ARSB: variants seen among roughly 807,000 people sequenced by gnomAD.
The protein encoded by ARSB is N-acetylgalactosamine-4-sulfatase.
A neutral mutation model predicts 50.9 loss-of-function variants in ARSB; 41 were observed. That is an observed-to-expected ratio of 0.81 (90% confidence interval 0.63 to 1.04). The LOEUF (loss-of-function observed/expected upper bound fraction) is 1.04, where lower values mean the gene tolerates loss of function less well. Ranked by LOEUF, ARSB falls within the 50% of genes least tolerant of loss-of-function variation. ARSB has a pLI of 0.00. For missense variants in ARSB, 672 were observed against 693.3 expected, an observed-to-expected ratio of 0.97 and a Z score of 0.35; for synonymous variants, 269 against 284.8, an observed-to-expected ratio of 0.94 and a Z score of 0.56.
chr5:78,965,675 T>C (rs112422793), intron 2 of ARSB, among the ~76,000 whole-genome samples: 81 of 152,354 alleles, frequency 5.3e-4, no homozygotes, highest in African/African-American at 1.9e-3. Context: ...GCTAGACTCT[T>C]AGCTATCTCC....
chr5:78,855,543 C>T (rs553923970), intron 5 of ARSB, among the ~76,000 whole-genome samples: 2 of 152,288 alleles, frequency 1.3e-5, no homozygotes, highest in Admixed American at 6.5e-5. Flanking sequence ...TAAAAGAGAG[C>T]CATGCATACT....
rs182704958 is a variant in ARSB at position 78,948,408 on chromosome 5, A to C, written c.898+6887T>G. Among the ~76,000 whole-genome samples the C allele has an allele frequency of 3.1e-3, 477 of 152,336 alleles. 1 individual carries two copies. The highest frequency in any genetic ancestry group is 5.1e-3 in the Non-Finnish European group (349 of 68,018). On this transcript the variant is annotated intron_variant, in intron 4 of 7. Transcript: ENST00000264914. Reference sequence around the variant, plus strand: ...TGTATCAAAATATCTCATGTACTCCATAAATATATATTTATACCTACTATA... The same window carrying C: ...TGTATCAAAATATCTCATGTACTCCCTAAATATATATTTATACCTACTATA...
At chr5:78,852,066 A>G (rs1257076727) in intron 5 of ARSB, among the ~76,000 whole-genome samples, 18 of 152,280 alleles carry the variant, frequency 1.2e-4, no homozygotes, top group African/African-American at 4.3e-4. Flanking sequence ...TTACATTTAA[A>G]GTTAATATTG....
chr5:78,845,550 A>C (rs1745409369), intron 5 of ARSB, among the ~76,000 whole-genome samples: 1 of 151,938 alleles, frequency 6.6e-6, no homozygotes, highest in Non-Finnish European at 1.5e-5. Context: ...GTTATTTTTT[A>C]ACTTTTTGAT....
chr5:78,981,406 C>T (rs893861692), intron 1 of ARSB, among the ~76,000 whole-genome samples: 1 of 152,168 alleles, frequency 6.6e-6, no homozygotes, highest in Non-Finnish European at 1.5e-5. Context: ...AATTAAATGT[C>T]TCACTATAAA....
chr5:78,957,518 G>A (rs1751783248), intron 3 of ARSB, among the ~76,000 whole-genome samples: 1 of 152,136 alleles, frequency 6.6e-6, no homozygotes, highest in Non-Finnish European at 1.5e-5. Flanking sequence ...TTAAACTAAG[G>A]ACGCAGCTGA....
chr5:78,842,266 A>G (rs1193185515), intron 5 of ARSB, among the ~76,000 whole-genome samples: 1 of 152,156 alleles, frequency 6.6e-6, no homozygotes. Flanking sequence ...GCTTGTCGGA[A>G]GGAGGGGAAG....
intron 5 of ARSB, among the ~76,000 whole-genome samples, chr5:78,867,565 C>G (rs956322821): frequency 1.3e-5 from 2 of 151,924 alleles, no homozygotes; most frequent in Non-Finnish European, 2.9e-5. Context: ...CACACTGACA[C>G]CTCACACGGC....
intron 3 of ARSB, among the ~76,000 whole-genome samples, chr5:78,955,703 T>A (rs1047222178): frequency 4.6e-5 from 7 of 152,176 alleles, no homozygotes; most frequent in African/African-American, 1.7e-4. Flanking sequence ...CAATGATAAC[T>A]CAACTACAAA....
intron 6 of ARSB, chr5:78,783,571 T>C (rs1486272205): frequency 2.0e-5 from 3 of 152,166 alleles, no homozygotes; most frequent in Non-Finnish European, 4.4e-5. Flanking sequence ...CCAATACAAA[T>C]GGATACTTCT....
At chr5:78,791,273 T>C (rs1749229392) in intron 6 of ARSB, among the ~76,000 whole-genome samples, 1 of 152,208 alleles carries the variant, frequency 6.6e-6, no homozygotes, top group Non-Finnish European at 1.5e-5. Flanking sequence ...AGGCAAGATT[T>C]AGGTTTAATT....
intron 2 of ARSB, 151 bp downstream of exon 2, chr5:78,968,855 A>T: frequency 2.3e-6 from 2 of 877,762 alleles, no homozygotes; most frequent in Non-Finnish European, 3.6e-6. Context: ...CTGTTTACAG[A>T]GGTAACATTA....
At chr5:78,945,647 G>C (rs986161493) in intron 4 of ARSB, among the ~76,000 whole-genome samples, 1 of 152,058 alleles carries the variant, frequency 6.6e-6, no homozygotes, top group Non-Finnish European at 1.5e-5. Flanking sequence ...ATTCCTCCCT[G>C]CATGTGCACA....
In ARSB at chr5:78,955,434, C is replaced by T. The variant is rs1215666558; in HGVS notation, c.759G>A (p.Lys253=). The change falls in exon 4 of 8, where the codon AAG becomes AAA. Residue 253 remains lysine (K), a synonymous_variant. Coordinates refer to ENST00000264914, the MANE Select transcript of ARSB (RefSeq NM_000046.5). ...EPLQVPEEYL[K]PYDFIQDKNR... is the part of the protein sequence containing the mutation. ...TCTTGTCTTGGATAAAGTCATATGG[C>T]TTCAAGTATTCCTCAGGGACCTGAA... 3 of 1,614,230 alleles carry T rather than the reference C, an allele frequency of 1.9e-6. No homozygotes were observed. The highest frequency in any genetic ancestry group is 1.1e-5 in the South Asian group (1 of 91,086).
At chr5:78,852,308 A>G (rs1302814932) in intron 5 of ARSB, among the ~76,000 whole-genome samples, 1 of 152,014 alleles carries the variant, frequency 6.6e-6, no homozygotes, top group East Asian at 1.9e-4. Flanking sequence ...TTTCTCCTTC[A>G]CTTATGAAGC....
chr5:78,980,797 TTTTTAAGC>T (rs1752871596), intron 1 of ARSB, among the ~76,000 whole-genome samples: 1 of 152,020 alleles, frequency 6.6e-6, no homozygotes, highest in Admixed American at 6.6e-5. Flanking sequence ...AGCTTTTAAG[TTTTTAAGC>T]CATGTGAATG....
At chr5:78,845,447 C>T (rs768293225) in intron 5 of ARSB, among the ~76,000 whole-genome samples, 1 of 151,894 alleles carries the variant, frequency 6.6e-6, no homozygotes, top group Admixed American at 6.6e-5. Flanking sequence ...TTTTGAGGAG[C>T]CTTCATATTG....
intron 4 of ARSB, among the ~76,000 whole-genome samples, chr5:78,887,945 A>T (rs1463353364): frequency 1.3e-5 from 2 of 152,222 alleles, no homozygotes; most frequent in Admixed American, 6.5e-5. Context: ...TTCCTTTTAG[A>T]GAAGGCTTAG....
chr5:78,865,929 T>C (rs1158765854), intron 5 of ARSB, among the ~76,000 whole-genome samples: 1 of 152,224 alleles, frequency 6.6e-6, no homozygotes, highest in Non-Finnish European at 1.5e-5. Context: ...ATTGTCCATA[T>C]TGCTATCAGC....
Sources: gnomAD v4.1 joint callset for allele counts (sites outside exome capture counted in the v4.1 genomes callset) on GRCh38, gnomAD v4.1.1 for gene constraint, MANE v1.5 for transcripts, NCBI Gene and HGNC (gene_info 2026-07-23, HGNC 2026-07-21) for gene names.